SMC6: variants seen among roughly 807,000 people sequenced by gnomAD.
SMC6 encodes the protein structural maintenance of chromosomes protein 6.
Under a neutral mutation model 142.2 loss-of-function variants are expected in SMC6, and 79 were observed. The ratio of observed to expected loss-of-function variants is 0.56; its 90% CI spans 0.46 to 0.67. The LOEUF (loss-of-function observed/expected upper bound fraction) is 0.67, where lower values mean the gene tolerates loss of function less well. SMC6 is among the 30% of genes least tolerant of loss of function. The pLI is 0.00. For synonymous variants in SMC6, 411 were observed against 412.4 expected (o/e 1.00, Z 0.04); for missense variants, 1,072 against 1,284.0 (o/e 0.83, Z 2.52).
Position 17,696,319 on chromosome 2 carries a change from T to C in SMC6, c.2502A>G (p.Arg834=). ...GTTCTTTCTCTTTCATATCCAGTTC[T>C]CGTTTCTTTTTATTTAAGGTATCCA... ...EHLDTLNKKK[R]ELDMKEKELE... is the part of the protein sequence containing the mutation. The change falls in exon 22 of 28, where the codon CGA becomes CGG. Residue 834 remains arginine, a synonymous_variant. Coordinates refer to ENST00000448223, the MANE Select transcript of SMC6 (RefSeq NM_001142286.2). 1.2e-6 allele frequency: 2 copies of C among 1,600,970 alleles called. No individual in the cohort carries two copies. Among genetic ancestry groups the C allele is most frequent in the African/African-American group, 1.4e-5 (1 of 73,780 alleles).
At chr2:17,698,544 T>G (rs1243284892) in intron 21 of SMC6, among the ~76,000 whole-genome samples, 1 of 152,078 alleles carries the variant, frequency 6.6e-6, no homozygotes, top group Middle Eastern at 3.2e-3. Context: ...GCTACTCTTG[T>G]TTTCCATTGA....
chr2:17,695,710 A>G (rs1291160693), intron 22 of SMC6, among the ~76,000 whole-genome samples: 1 of 152,242 alleles, frequency 6.6e-6, no homozygotes, highest in African/African-American at 2.4e-5. Context: ...ACTTTTACAC[A>G]TAGTACTTTT....
At chr2:17,751,155 G>A (rs1414949758) in intron 2 of SMC6, among the ~76,000 whole-genome samples, 1 of 152,086 alleles carries the variant, frequency 6.6e-6, no homozygotes, top group Non-Finnish European at 1.5e-5. Context: ...GGTTTGGCAA[G>A]TAGGGAGAAT....
intron 17 of SMC6, among the ~76,000 whole-genome samples, chr2:17,707,582 A>G (rs1468158638): frequency 6.6e-6 from 1 of 152,150 alleles, no homozygotes; most frequent in Admixed American, 6.6e-5. Context: ...AAAAAGTCTT[A>G]AAACAGTTTA....
intron 27 of SMC6, among the ~76,000 whole-genome samples, chr2:17,666,024 TACTG>T (rs1239000970): frequency 6.6e-6 from 1 of 152,192 alleles, no homozygotes; most frequent in African/African-American, 2.4e-5. Context: ...ACCCAATAAA[TACTG>T]ACTGACAGCA....
At chr2:17,720,783 T>C (rs578137360) in intron 11 of SMC6, among the ~76,000 whole-genome samples, 157 bp downstream of exon 11, 47 of 152,162 alleles carry the variant, frequency 3.1e-4, no homozygotes, top group Non-Finnish European at 6.2e-4. Flanking sequence ...ACAACAGGCC[T>C]TGAAAACAAG....
At chr2:17,731,491 G>C (rs922095779) in intron 6 of SMC6, among the ~76,000 whole-genome samples, 3 of 152,156 alleles carry the variant, frequency 2.0e-5, no homozygotes, top group African/African-American at 7.2e-5. Context: ...AAGTCTGTAG[G>C]TGAAAACAAA....
At position 17,731,072 on chromosome 2, in the gene SMC6, A is replaced by C; in HGVS notation, c.543+6T>G. The C allele has an allele frequency of 6.2e-7, 1 of 1,608,204 alleles. No individual in the cohort carries two copies. Among genetic ancestry groups the C allele is most frequent in the Non-Finnish European group, 8.5e-7 (1 of 1,175,776 alleles). ...AATTAATCTGAAACACAAATTCACC[A>C]ATTACCTGGATGTTAAAATGATCAA... On this transcript the variant is annotated splice_donor_region_variant and intron_variant, in intron 7 of 27. Coordinates refer to ENST00000448223, the MANE Select transcript of SMC6 (RefSeq NM_001142286.2).
Position 17,753,792 on chromosome 2 carries a change from G to C in SMC6, c.-259C>G, listed in dbSNP as rs1366067342. The C allele has an allele frequency of 1.3e-5, 2 of 152,214 alleles. No individual in the cohort carries two copies. The highest frequency in any genetic ancestry group is 4.8e-5 in the African/African-American group (2 of 41,440). The allele number at this position is 152,214 out of a possible 1,614,324, so 9.4% of individuals were successfully genotyped here. ...AAGGTAGATTCCCGGGAGCCCCGGC[G>C]CCCACCGCGGTACTAACCGCGCCTG... On this transcript the variant is annotated 5_prime_UTR_variant, in exon 1 of 28. Coordinates refer to ENST00000448223, the MANE Select transcript of SMC6 (RefSeq NM_001142286.2).
At chr2:17,685,689 G>GA (rs1051509509) in intron 23 of SMC6, among the ~76,000 whole-genome samples, 8 of 150,828 alleles carry the variant, frequency 5.3e-5, no homozygotes, top group Non-Finnish European at 7.4e-5. Flanking sequence ...AAAGGAATAA[G>GA]AAAAAAAAAT....
chr2:17,685,034 T>C (rs1667387505), intron 23 of SMC6, among the ~76,000 whole-genome samples: 1 of 148,290 alleles, frequency 6.7e-6, no homozygotes, highest in South Asian at 2.1e-4. Context: ...CACACAGATA[T>C]GAAGACAAAA....
intron 5 of SMC6, among the ~76,000 whole-genome samples, chr2:17,734,006 A>G (rs1670027380): frequency 6.6e-6 from 1 of 152,226 alleles, no homozygotes; most frequent in African/African-American, 2.4e-5. Flanking sequence ...TACACTTTTC[A>G]CAAGGAGAGA....
At chr2:17,709,834 T>G (rs1235954358) in intron 16 of SMC6, among the ~76,000 whole-genome samples, 2 of 152,162 alleles carry the variant, frequency 1.3e-5, no homozygotes, top group African/African-American at 4.8e-5. Flanking sequence ...TATAGTCACA[T>G]AAGTAACCTT....
intron 18 of SMC6, among the ~76,000 whole-genome samples, chr2:17,703,545 G>A (rs184698095): frequency 6.6e-6 from 1 of 151,680 alleles, no homozygotes; most frequent in East Asian, 1.9e-4. Context: ...AACAATGCAG[G>A]GTTTGAAATA....
chr2:17,673,203 G>A (rs1666846334), intron 25 of SMC6, among the ~76,000 whole-genome samples: 1 of 152,072 alleles, frequency 6.6e-6, no homozygotes, highest in Non-Finnish European at 1.5e-5. Flanking sequence ...ACTTTAAAGT[G>A]GTTTCTATTT....
intron 16 of SMC6, chr2:17,713,636 C>A: frequency 2.4e-6 from 1 of 412,434 alleles, no homozygotes; most frequent in African/African-American, 2.1e-5. Context: ...TGGCATCCTT[C>A]AGCTAGTCAC....
chr2:17,714,304 GGCTCGTC>G (rs1218276070), intron 16 of SMC6, among the ~76,000 whole-genome samples: 1 of 151,934 alleles, frequency 6.6e-6, no homozygotes, highest in East Asian at 1.9e-4. Flanking sequence ...AAGTTGCCCA[GGCTCGTC>G]TTGAACTCCT....
rs755023564 is a variant in SMC6, at chr2:17,741,576, T to C, written c.238+36A>G. On this transcript the variant is annotated intron_variant, in intron 4 of 27. Coordinates refer to ENST00000448223, the MANE Select transcript of SMC6 (RefSeq NM_001142286.2). ...TTAACGTACTCTAATCTCAAAGTAC[T>C]GCTCAAAGTCAAACGAGAAGGGAAA... 11 of 1,353,284 alleles carry C rather than the reference T, an allele frequency of 8.1e-6. No individual in the cohort carries two copies. The African/African-American group carries it at 1.3e-4, about 16-fold the overall frequency. 83.8% of individuals were successfully genotyped at this position (1,353,284 alleles called of 1,614,324 possible). A position where few individuals can be genotyped will look rare whatever the true frequency, so the allele number is the denominator to read the frequency against.
intron 14 of SMC6, 90 bp downstream of exon 14, chr2:17,716,651 A>G (rs1669101783): frequency 7.8e-7 from 1 of 1,276,910 alleles, no homozygotes; most frequent in Non-Finnish European, 1.1e-6. Context: ...ATGTAGAAGA[A>G]ACAACCATAT....
Sources: gnomAD v4.1 joint callset for allele counts (sites outside exome capture counted in the v4.1 genomes callset) on GRCh38, gnomAD v4.1.1 for gene constraint, MANE v1.5 for transcripts, NCBI Gene and HGNC (gene_info 2026-07-23, HGNC 2026-07-21) for gene names.